Variants in RBFOX1 observed in about 807,000 individuals in gnomAD.
RBFOX1 encodes RNA binding fox-1 homolog 1.
In RBFOX1, 8 loss-of-function variants were observed where a neutral mutation model predicts 57.7. The observed-to-expected ratio is 0.14, with a 90% CI of 0.08 to 0.25. RBFOX1 has a LOEUF of 0.25. Ranked by LOEUF, RBFOX1 falls within the 10% of genes least tolerant of loss-of-function variation. The pLI, the probability that RBFOX1 is intolerant of heterozygous loss-of-function variation, is 1.00. For missense variants in RBFOX1, 611 were observed against 548.5 expected (o/e 1.11, Z -1.14); for synonymous variants, 326 against 222.4 (o/e 1.47, Z -4.15).
intron 4 of RBFOX1, among the ~76,000 whole-genome samples, chr16:7,281,339 G>C (rs1331698134): frequency 6.6e-6 from 1 of 151,396 alleles, no homozygotes; most frequent in East Asian, 2.0e-4. Flanking sequence ...CTGCTTGGGG[G>C]GTAGTTTAGC....
intron 15 of RBFOX1, 56 bp downstream of exon 15, chr16:7,709,187 A>T: frequency 6.7e-7 from 1 of 1,493,976 alleles, no homozygotes; most frequent in Non-Finnish European, 9.3e-7. Context: ...CCCTTTCCCC[A>T]GCTGGGACCT....
At chr16:6,256,163 A>ATATATG (rs1162352085) in intron 1 of RBFOX1, among the ~76,000 whole-genome samples, 1 of 12,158 alleles carries the variant, frequency 8.2e-5, no homozygotes, top group Admixed American at 1.4e-3. Flanking sequence ...ATATATGTAT[A>ATATATG]TATATATGTA....
intron 2 of RBFOX1, among the ~76,000 whole-genome samples, chr16:6,634,364 G>C (rs2098414366): frequency 6.6e-6 from 1 of 151,962 alleles, no homozygotes; most frequent in Non-Finnish European, 1.5e-5. Context: ...TGTCAGCTCT[G>C]TGACCTTGGG....
intron 1 of RBFOX1, among the ~76,000 whole-genome samples, chr16:5,366,906 T>A (rs1207921789): frequency 6.6e-6 from 1 of 152,184 alleles, no homozygotes; most frequent in Non-Finnish European, 1.5e-5. Context: ...TAAGTATGAA[T>A]GGAATGTTAT....
intron 3 of RBFOX1, among the ~76,000 whole-genome samples, chr16:6,699,091 C>T (rs930650237): frequency 6.6e-6 from 1 of 152,102 alleles, no homozygotes; most frequent in Non-Finnish European, 1.5e-5. Flanking sequence ...CAATCATAAC[C>T]AGCATGCAGC....
At chr16:5,880,312 C>T (rs977249667) in intron 4 of RBFOX1, among the ~76,000 whole-genome samples, 3 of 152,130 alleles carry the variant, frequency 2.0e-5, no homozygotes, top group Admixed American at 6.5e-5. Flanking sequence ...TTTTTGCCTC[C>T]CAAGGTTCTT....
chr16:6,847,667 A>C (rs912842083), intron 3 of RBFOX1, among the ~76,000 whole-genome samples: 2 of 152,146 alleles, frequency 1.3e-5, no homozygotes, highest in Non-Finnish European at 2.9e-5. Flanking sequence ...CAGCATAACT[A>C]CAAGAGGCTG....
chr16:5,346,411 C>G (rs1450196280), intron 1 of RBFOX1, among the ~76,000 whole-genome samples: 1 of 152,120 alleles, frequency 6.6e-6, no homozygotes, highest in African/African-American at 2.4e-5. Flanking sequence ...TAAGAGAAAA[C>G]TACAGAGAAG....
chr16:7,106,935 C>T (rs1231836203), intron 4 of RBFOX1, among the ~76,000 whole-genome samples: 4 of 149,438 alleles, frequency 2.7e-5, no homozygotes, highest in South Asian at 4.4e-4. Context: ...GACATGGACA[C>T]GTCCCTAATC....
At chr16:7,561,539 G>A (rs1257010003) in intron 5 of RBFOX1, among the ~76,000 whole-genome samples, 1 of 152,196 alleles carries the variant, frequency 6.6e-6, no homozygotes, top group African/African-American at 2.4e-5. Context: ...TGCAGTTTAT[G>A]TGACAGGATT....
chr16:5,917,069 G>A (rs1170356342), intron 4 of RBFOX1, among the ~76,000 whole-genome samples: 1 of 152,104 alleles, frequency 6.6e-6, no homozygotes, highest in Non-Finnish European at 1.5e-5. Context: ...GCACCCTGCA[G>A]GCGTGGCCCC....
intron 4 of RBFOX1, among the ~76,000 whole-genome samples, chr16:7,390,055 G>A (rs2097968571): frequency 6.6e-6 from 1 of 152,176 alleles, no homozygotes; most frequent in Non-Finnish European, 1.5e-5. Flanking sequence ...AACGAAGCAA[G>A]CACATCCTCA....
rs1201435717 is a variant in RBFOX1, at chr16:7,043,792, C to G, written c.-15-8265C>G. Among the ~76,000 whole-genome samples, 4 of 152,172 alleles carry G rather than the reference C, an allele frequency of 2.6e-5. No homozygotes were observed. The East Asian group carries it at 7.7e-4, about 29-fold the overall frequency. On this transcript the variant is annotated intron_variant, in intron 3 of 15. Transcript: ENST00000550418. ...TTCAAGTTAATCTCTCACCAGTTCC[C>G]TCTTGCACTTGACTCTTGTGTCATA...
intron 4 of RBFOX1, among the ~76,000 whole-genome samples, chr16:7,458,916 G>C (rs2059041143): frequency 1.3e-5 from 2 of 152,192 alleles, no homozygotes; most frequent in South Asian, 4.1e-4. Context: ...CTCCAACCGG[G>C]TAGATATTTT....
chr16:5,981,419 A>G (rs2060170098), intron 4 of RBFOX1, among the ~76,000 whole-genome samples: 1 of 152,144 alleles, frequency 6.6e-6, no homozygotes, highest in Non-Finnish European at 1.5e-5. Context: ...GAGGCATGGA[A>G]ACTATTGGAT....
chr16:6,183,306 C>T (rs916556341), intron 1 of RBFOX1, among the ~76,000 whole-genome samples: 2 of 151,804 alleles, frequency 1.3e-5, no homozygotes, highest in Admixed American at 6.6e-5. Flanking sequence ...AGGTGAAACC[C>T]TGTCTCTACT....
At chr16:7,593,773 T>C (rs912626970) in intron 7 of RBFOX1, among the ~76,000 whole-genome samples, 1 of 152,036 alleles carries the variant, frequency 6.6e-6, no homozygotes, top group African/African-American at 2.4e-5. Context: ...CTGTGGGACT[T>C]GGAAATGCAA....
intron 3 of RBFOX1, among the ~76,000 whole-genome samples, chr16:6,880,255 A>G (rs866147449): frequency 3.9e-5 from 6 of 152,164 alleles, no homozygotes; most frequent in South Asian, 2.1e-4. Context: ...GGGAAAGAGC[A>G]GAGTTAACCT....
chr16:7,564,263 G>A (rs982487245), intron 5 of RBFOX1, among the ~76,000 whole-genome samples: 4 of 152,098 alleles, frequency 2.6e-5, no homozygotes, highest in African/African-American at 9.7e-5. Context: ...ACTCAAGCCG[G>A]GCGTGGTGGC....
Sources: gnomAD v4.1 joint callset for allele counts (sites outside exome capture counted in the v4.1 genomes callset) on GRCh38, gnomAD v4.1.1 for gene constraint, MANE v1.5 for transcripts, NCBI Gene and HGNC (gene_info 2026-07-23, HGNC 2026-07-21) for gene names.